Variants in PDCD7 observed in about 807,000 individuals in gnomAD.
The protein encoded by PDCD7 is programmed cell death 7, also known as programmed cell death protein 7.
In PDCD7, 40 loss-of-function variants were observed where a neutral mutation model predicts 42.1. The ratio of observed to expected loss-of-function variants is 0.95; its 90% CI spans 0.74 to 1.24. The LOEUF (loss-of-function observed/expected upper bound fraction) is 1.24, where lower values mean the gene tolerates loss of function less well. Ranked by LOEUF, PDCD7 falls within the 50% of genes most tolerant of loss-of-function variation. PDCD7 has a pLI of 0.00. For missense variants in PDCD7, 644 were observed against 662.8 expected (o/e 0.97, Z 0.31); for synonymous variants, 299 against 303.3 (o/e 0.99, Z 0.15).
chr15:65,128,555 GGAAATCCACACAGTCT>G (rs1815010128), intron 2 of PDCD7, among the ~76,000 whole-genome samples: 2 of 152,152 alleles, frequency 1.3e-5, no homozygotes, highest in Admixed American at 1.3e-4. Flanking sequence ...GGGAAGGTGG[GGAAATCCACACAGTCT>G]GCAATCCCTG....
intron 1 of PDCD7, among the ~76,000 whole-genome samples, chr15:65,132,028 A>C (rs1318749913): frequency 6.6e-6 from 1 of 151,364 alleles, no homozygotes; most frequent in East Asian, 1.9e-4. Context: ...ACCTCTCTCT[A>C]TATATACACA....
At chr15:65,123,470 G>A (rs750219756) in intron 2 of PDCD7, among the ~76,000 whole-genome samples, 4 of 152,242 alleles carry the variant, frequency 2.6e-5, no homozygotes, top group Non-Finnish European at 5.9e-5. Context: ...ACAGGCATGA[G>A]CCACCATGCC....
intron 2 of PDCD7, 130 bp downstream of exon 2, chr15:65,128,902 A>G: frequency 9.3e-7 from 1 of 1,073,748 alleles, no homozygotes; most frequent in Non-Finnish European, 1.4e-6. Flanking sequence ...ACTTGCTGAC[A>G]AGCCCAGTTA....
At chr15:65,129,498 G>T (rs552534492) in intron 1 of PDCD7, among the ~76,000 whole-genome samples, 1 of 152,296 alleles carries the variant, frequency 6.6e-6, no homozygotes, top group Non-Finnish European at 1.5e-5. Flanking sequence ...GCTGAGACTT[G>T]TTAAAAATGC....
chr15:65,129,177 G>A lies in PDCD7; in HGVS notation c.871-7C>T, dbSNP rs759580993. On this transcript the variant is annotated splice_region_variant and splice_polypyrimidine_tract_variant and intron_variant, in intron 1 of 4. Coordinates refer to ENST00000204549, the MANE Select transcript of PDCD7 (RefSeq NM_005707.2). Reference sequence around the variant, plus strand: ...CTGCTTTGAGTTCCTGCTCCTGGAAGAGAAACAAAGCCCATGAGACCTCGT... The same window carrying A: ...CTGCTTTGAGTTCCTGCTCCTGGAAAAGAAACAAAGCCCATGAGACCTCGT... The A allele has an allele frequency of 1.3e-5, 21 of 1,613,320 alleles. No individual in the cohort carries two copies. The highest frequency in any genetic ancestry group is 1.8e-5 in the Non-Finnish European group (21 of 1,179,820).
chr15:65,125,111 T>C (rs2087485717), intron 2 of PDCD7, among the ~76,000 whole-genome samples: 1 of 152,194 alleles, frequency 6.6e-6, no homozygotes, highest in South Asian at 2.1e-4. Flanking sequence ...CCCTCAAATA[T>C]CTGTCCCCAT....
At chr15:65,120,631 C>T (rs1161580726) in intron 2 of PDCD7, among the ~76,000 whole-genome samples, 1 of 152,088 alleles carries the variant, frequency 6.6e-6, no homozygotes, top group East Asian at 1.9e-4. Flanking sequence ...TGGCGTGAAC[C>T]TGGGAGGTGG....
At chr15:65,132,490 T>C (rs1389816418) in intron 1 of PDCD7, among the ~76,000 whole-genome samples, 1 of 151,990 alleles carries the variant, frequency 6.6e-6, no homozygotes, top group Non-Finnish European at 1.5e-5. Flanking sequence ...GACCTCGTGA[T>C]CCACCCGCCT....
At position 65,118,858 on chromosome 15, in the gene PDCD7, A is replaced by G. The variant is rs1175815018; in HGVS notation, c.1335-18T>C. ...AATCATGCCTTAATAAGAACATTAT[A>G]GAACAACTATTTATTTCTGTTTTAT... On this transcript the variant is annotated intron_variant, in intron 4 of 4. Transcript: ENST00000204549. 1 of 1,528,804 alleles carries G rather than the reference A, an allele frequency of 6.5e-7. No homozygotes were observed. Among genetic ancestry groups the G allele is most frequent in the East Asian group, 2.4e-5 (1 of 41,440 alleles). 94.7% of individuals were successfully genotyped at this position (1,528,804 alleles called of 1,614,324 possible).
intron 2 of PDCD7, 52 bp downstream of exon 2, chr15:65,128,980 T>C (rs997913118): frequency 9.4e-6 from 15 of 1,597,646 alleles, no homozygotes; most frequent in Admixed American, 1.7e-5. Flanking sequence ...TGGGAGGAGC[T>C]AGAGTAAAGA....
In PDCD7 at chr15:65,125,951, T is replaced by C. The variant is rs528710226; in HGVS notation, c.1009+3081A>G. The stretch of plus-strand genomic sequence containing the variant: ...TACATGGTGACAGGTAAAGAGGGCG[T>C]GTGCAAGGAAACTCTCCTTTATAAA... On this transcript the variant is annotated intron_variant, in intron 2 of 4. Transcript: ENST00000204549. 1.9e-3 allele frequency among the ~76,000 whole-genome samples: 293 copies of C among 152,272 alleles called. 2 individuals carry two copies. The highest frequency in any genetic ancestry group is 6.8e-3 in the Middle Eastern group (2 of 294).
intron 2 of PDCD7, among the ~76,000 whole-genome samples, chr15:65,122,618 T>C (rs1361739383): frequency 6.6e-6 from 1 of 152,242 alleles, no homozygotes. Flanking sequence ...TCCCTACTCC[T>C]GGACACCTAA....
intron 2 of PDCD7, among the ~76,000 whole-genome samples, chr15:65,124,249 C>T (rs1046756601): frequency 3.3e-5 from 5 of 151,828 alleles, no homozygotes; most frequent in Non-Finnish European, 5.9e-5. Flanking sequence ...TGGTGAAACC[C>T]CATCTCTACT....
chr15:65,118,980 A>G (rs989473321), intron 4 of PDCD7, 140 bp from the exon 5 acceptor site: 28 of 560,496 alleles, frequency 5.0e-5, no homozygotes. Flanking sequence ...AGGAATCAAG[A>G]AAATGACTAT....
intron 4 of PDCD7, chr15:65,119,122 G>A (rs545568631): frequency 6.1e-6 from 3 of 490,012 alleles, no homozygotes; most frequent in East Asian, 6.3e-5. Flanking sequence ...ACTAACACAG[G>A]GCAAGTCACA....
Position 65,119,740 on chromosome 15 carries a change from C to T in PDCD7, c.1224G>A (p.Glu408=). ...TACCTGGATCCCCAAACAACTTGGA[C>T]TCAATTTCACGTTTCTGAAGTAAAA... ...EKILLQKREI[E]SKLFGDPDEF... is the part of the protein sequence containing the mutation. Residue 408 remains glutamate (E), a synonymous_variant, in exon 3 of 5, where the codon GAG becomes GAA. Transcript: ENST00000204549. 1.2e-6 allele frequency: 2 copies of T among 1,611,470 alleles called. No individual in the cohort carries two copies. The highest frequency in any genetic ancestry group is 1.7e-6 in the Non-Finnish European group (2 of 1,179,402).
intron 1 of PDCD7, among the ~76,000 whole-genome samples, chr15:65,130,709 G>A (rs921792099): frequency 2.0e-5 from 3 of 152,080 alleles, no homozygotes; most frequent in African/African-American, 7.2e-5. Flanking sequence ...CAGGAGTGGT[G>A]GTGTGCACCT....
chr15:65,133,059 C>A lies in PDCD7; in HGVS notation c.723G>T (p.Arg241Ser). The A allele has an allele frequency of 6.3e-7, 1 of 1,584,602 alleles. No homozygotes were observed. The highest frequency in any genetic ancestry group is 8.5e-7 in the Non-Finnish European group (1 of 1,171,726). Residue 241 changes from arginine to serine, a missense_variant, in exon 1 of 5, where the codon AGG becomes AGT. By Grantham distance (110) the Arg-to-Ser change is moderately radical. Coordinates refer to ENST00000204549, the MANE Select transcript of PDCD7 (RefSeq NM_005707.2). ...YVGEARRRLE[R>S]VRRRRLRLRE... ...GAAGCCGCAGCCGGCGGCGCCGGAC[C>A]CTCTCCAGCCTCCTCCGCGCCTCGC... is the stretch of plus-strand genomic sequence containing the variant.
Position 65,119,877 on chromosome 15 carries a change from A to T in PDCD7, c.1087T>A (p.Ser363Thr). ...CTCTCTTCAGCTTCATACAGTTCAG[A>T]GCGCTTTTTAATGAGTTTTCTCAGT... ...QRLRKLIKKRSELYEAEERAL... is the reference protein window; with the variant it reads ...QRLRKLIKKRTELYEAEERAL... The change falls in exon 3 of 5, where the codon TCT becomes ACT. Residue 363 changes from serine to threonine, a missense_variant. Physicochemically the swap from Ser to Thr is moderately conservative, Grantham distance 58 (BLOSUM62 1). Transcript: ENST00000204549. 6.2e-7 allele frequency: 1 copy of T among 1,614,032 alleles called. No individual in the cohort carries two copies. The highest frequency in any genetic ancestry group is 8.5e-7 in the Non-Finnish European group (1 of 1,180,034).
Sources: gnomAD v4.1 joint callset for allele counts (sites outside exome capture counted in the v4.1 genomes callset) on GRCh38, gnomAD v4.1.1 for gene constraint, MANE v1.5 for transcripts, NCBI Gene and HGNC (gene_info 2026-07-23, HGNC 2026-07-21) for gene names.